The following FTCDNL1 variants were observed in gnomAD, a reference collection of about 807,000 sequenced individuals.
FTCDNL1 encodes the protein formiminotransferase N-terminal subdomain-containing protein.
Under a neutral mutation model 5.9 loss-of-function variants are expected in FTCDNL1, and 11 were observed. That is an observed-to-expected ratio of 1.87 (90% CI 1.18 to 3.10). The LOEUF is 3.10. Among genes scored for constraint, FTCDNL1 ranks in the 30% most tolerant of loss-of-function variants. FTCDNL1 has a pLI of 0.00. For missense variants in FTCDNL1, 115 were observed against 65.5 expected, an observed-to-expected ratio of 1.76 and a Z score of -2.61; for synonymous variants, 58 against 24.8, an observed-to-expected ratio of 2.34 and a Z score of -3.99.
chr2:199,666,105 A>G, the FTCDNL1 span, among the ~76,000 whole-genome samples: 3 of 152,238 alleles, frequency 2.0e-5, no homozygotes, highest in African/African-American at 7.2e-5. Flanking sequence ...ACCTATAAAT[A>G]TGGAATAATA....
At chr2:199,803,191 CAAAAAAAAAA>C (rs71403491) in intron 3 of FTCDNL1, among the ~76,000 whole-genome samples, 2 of 70,652 alleles carry the variant, frequency 2.8e-5, no homozygotes, top group Non-Finnish European at 5.1e-5. Context: ...AATACCGTCT[CAAAAAAAAAA>C]AAAAAAAAAA....
At chr2:199,782,857 C>G (rs1574493361) in intron 3 of FTCDNL1, among the ~76,000 whole-genome samples, 1 of 152,220 alleles carries the variant, frequency 6.6e-6, no homozygotes, top group Admixed American at 6.5e-5. Flanking sequence ...GATCCAGCCA[C>G]TCCTTCAGTT....
chr2:199,801,482 A>G (rs1700447753), intron 3 of FTCDNL1, among the ~76,000 whole-genome samples: 2 of 152,046 alleles, frequency 1.3e-5, no homozygotes, highest in African/African-American at 4.8e-5. Context: ...CTCCGTCTCT[A>G]TCAAAAATAA....
intron 3 of FTCDNL1, among the ~76,000 whole-genome samples, chr2:199,796,405 A>G (rs1197862883): frequency 6.6e-6 from 1 of 152,186 alleles, no homozygotes. Context: ...CCTCAACTGA[A>G]GCATATTTCT....
intron 3 of FTCDNL1, among the ~76,000 whole-genome samples, chr2:199,774,259 G>A (rs1204409969): frequency 6.6e-6 from 1 of 152,178 alleles, no homozygotes; most frequent in Non-Finnish European, 1.5e-5. Context: ...GACTAGGACA[G>A]TGGTCCACTA....
At chr2:199,831,302 C>CG (rs1315022645) in intron 3 of FTCDNL1, among the ~76,000 whole-genome samples, 2 of 152,102 alleles carry the variant, frequency 1.3e-5, no homozygotes, top group South Asian at 4.1e-4. Context: ...AATGTTTTAA[C>CG]CTAACATTTC....
At chr2:199,704,434 G>A in the FTCDNL1 span, among the ~76,000 whole-genome samples, 1 of 152,206 alleles carries the variant, frequency 6.6e-6, no homozygotes, top group East Asian at 1.9e-4. Flanking sequence ...AGACTGGGGG[G>A]AAGAGGGAAG....
Position 199,829,284 on chromosome 2 carries a change from A to G in FTCDNL1, c.212-9527T>C, listed in dbSNP as rs547015072. 9.9e-4 allele frequency among the ~76,000 whole-genome samples: 150 copies of G among 152,118 alleles called. 1 individual carries two copies. Among genetic ancestry groups the G allele is most frequent in the Admixed American group, 1.7e-3 (26 of 15,264 alleles). On this transcript the variant is annotated intron_variant, in intron 3 of 4. Coordinates refer to ENST00000420128, the MANE Select transcript of FTCDNL1 (RefSeq NM_001363886.2). ...CTCTGGTCGTATTCTAAAAGGGTTG[A>G]TTTAAGGAAATACTGAAATGCTTTT...
intron 3 of FTCDNL1, among the ~76,000 whole-genome samples, chr2:199,824,276 C>T (rs753900974): frequency 2.0e-5 from 3 of 152,210 alleles, no homozygotes; most frequent in Non-Finnish European, 4.4e-5. Context: ...ACTTTTCTTC[C>T]GTAGCATTGT....
At chr2:199,840,041 T>A (rs1156799298) in intron 3 of FTCDNL1, among the ~76,000 whole-genome samples, 1 of 152,204 alleles carries the variant, frequency 6.6e-6, no homozygotes, top group Non-Finnish European at 1.5e-5. Flanking sequence ...AAAGTCATGA[T>A]GATGGCTGAG....
chr2:199,792,997 G>C (rs4510212), intron 3 of FTCDNL1, among the ~76,000 whole-genome samples: 1 of 152,156 alleles, frequency 6.6e-6, no homozygotes, highest in African/African-American at 2.4e-5. Flanking sequence ...TTAATGGATA[G>C]ATTAGGGAGC....
chr2:199,665,326 C>T, the FTCDNL1 span, among the ~76,000 whole-genome samples: 2 of 151,988 alleles, frequency 1.3e-5, no homozygotes, highest in African/African-American at 4.8e-5. Flanking sequence ...ACTGCTATCC[C>T]CAGGGAAATG....
intron 3 of FTCDNL1, among the ~76,000 whole-genome samples, chr2:199,787,162 G>A (rs956100088): frequency 6.6e-6 from 1 of 151,760 alleles, no homozygotes; most frequent in South Asian, 2.1e-4. Flanking sequence ...TTGGCTGATT[G>A]GCAACCTTAA....
At chr2:199,842,660 A>T (rs1450141472) in intron 3 of FTCDNL1, among the ~76,000 whole-genome samples, 1 of 152,226 alleles carries the variant, frequency 6.6e-6, no homozygotes, top group Non-Finnish European at 1.5e-5. Context: ...AGCTATAAGC[A>T]AACTTACAGC....
the FTCDNL1 span, among the ~76,000 whole-genome samples, chr2:199,748,022 C>G: frequency 2.0e-5 from 3 of 152,144 alleles, no homozygotes; most frequent in Admixed American, 6.5e-5. Flanking sequence ...TTCCCCAGTC[C>G]TCTTTATCCC....
intron 3 of FTCDNL1, among the ~76,000 whole-genome samples, chr2:199,794,143 T>C (rs946443900): frequency 7.2e-5 from 11 of 152,222 alleles, no homozygotes; most frequent in African/African-American, 2.7e-4. Flanking sequence ...TAATGGATAT[T>C]AATCTTATTA....
At chr2:199,675,791 T>C in the FTCDNL1 span, among the ~76,000 whole-genome samples, 184 of 152,332 alleles carry the variant, frequency 1.2e-3, 1 homozygote, top group African/African-American at 4.1e-3. Flanking sequence ...AGTCTCACTT[T>C]ATTGTCCATG....
At chr2:199,749,648 G>A in the FTCDNL1 span, among the ~76,000 whole-genome samples, 2 of 152,172 alleles carry the variant, frequency 1.3e-5, no homozygotes, top group African/African-American at 4.8e-5. Context: ...TGCATGGACT[G>A]ATTCATTGAG....
intron 4 of FTCDNL1, among the ~76,000 whole-genome samples, chr2:199,814,919 T>C (rs892684990): frequency 7.9e-5 from 12 of 152,192 alleles, no homozygotes; most frequent in African/African-American, 2.9e-4. Context: ...AAGTGCTCAG[T>C]AACCCATTTA....
Sources: allele counts gnomAD v4.1 joint callset (sites outside exome capture counted in the v4.1 genomes callset), GRCh38; gene constraint gnomAD v4.1.1; transcripts MANE v1.5; gene names NCBI Gene and HGNC (gene_info 2026-07-23, HGNC 2026-07-21).